The following PTPRG variants were observed in gnomAD, a reference collection of about 807,000 sequenced individuals.
The protein encoded by PTPRG is protein tyrosine phosphatase receptor type G, also known as receptor-type tyrosine-protein phosphatase gamma.
PTPRG carries 102 observed loss-of-function variants against 165.3 expected under a neutral mutation model. The ratio of observed to expected loss-of-function variants is 0.62; its 90% CI spans 0.53 to 0.73. PTPRG has a LOEUF of 0.73. Among genes scored for constraint, PTPRG ranks in the 30% least tolerant of loss-of-function variants. The pLI, the probability that PTPRG is intolerant of heterozygous loss-of-function variation, is 0.00. For synonymous variants in PTPRG, 675 were observed against 669.5 expected, an observed-to-expected ratio of 1.01 and a Z score of -0.13; for missense variants, 1,866 against 1,861.4, an observed-to-expected ratio of 1.00 and a Z score of -0.05.
chr3:61,595,308 G>GA (rs5849434), intron 1 of PTPRG, among the ~76,000 whole-genome samples: 111,046 of 151,916 alleles, frequency 0.73, 41,699 homozygotes, highest in South Asian at 0.91. Flanking sequence ...TGCAGAAGGG[G>GA]AAAAAATCTG....
At chr3:61,913,612 C>G (rs1421466733) in intron 2 of PTPRG, among the ~76,000 whole-genome samples, 1 of 152,152 alleles carries the variant, frequency 6.6e-6, no homozygotes, top group Non-Finnish European at 1.5e-5. Context: ...AGTGGTTGCT[C>G]AGAGTTTTCT....
chr3:62,114,550 C>T (rs1702792146), intron 5 of PTPRG, among the ~76,000 whole-genome samples: 1 of 152,152 alleles, frequency 6.6e-6, no homozygotes, highest in Non-Finnish European at 1.5e-5. Context: ...CAAAGTACTT[C>T]ATATACTTCA....
At chr3:61,678,033 A>G (rs1703296523) in intron 1 of PTPRG, among the ~76,000 whole-genome samples, 1 of 152,192 alleles carries the variant, frequency 6.6e-6, no homozygotes, top group Non-Finnish European at 1.5e-5. Flanking sequence ...ACTGGGGCAG[A>G]GTCCTGATGT....
At chr3:62,173,952 T>C (rs1354313119) in intron 8 of PTPRG, among the ~76,000 whole-genome samples, 2 of 152,232 alleles carry the variant, frequency 1.3e-5, no homozygotes, top group Non-Finnish European at 2.9e-5. Context: ...GAAGAAAGAC[T>C]TCTATATGGA....
intron 4 of PTPRG, among the ~76,000 whole-genome samples, chr3:62,049,860 TC>T (rs1316925223): frequency 6.6e-6 from 1 of 152,224 alleles, no homozygotes; most frequent in Non-Finnish European, 1.5e-5. Context: ...CACGTGGCTT[TC>T]TATAGACTTT....
chr3:61,953,020 C>T (rs1412289947), intron 2 of PTPRG, among the ~76,000 whole-genome samples: 1 of 152,162 alleles, frequency 6.6e-6, no homozygotes, highest in African/African-American at 2.4e-5. Context: ...TCCAATAGGT[C>T]TCAGGATACA....
chr3:61,939,009 T>C (rs2039547049), intron 2 of PTPRG, among the ~76,000 whole-genome samples: 1 of 152,190 alleles, frequency 6.6e-6, no homozygotes, highest in Admixed American at 6.5e-5. Flanking sequence ...CCCCCTGCAG[T>C]TCAGCATAAA....
At position 62,147,782 on chromosome 3, in the gene PTPRG, C is replaced by T. The variant is rs1001969691; in HGVS notation, c.683-9285C>T. ...TGGATATATGTACAGGCAAGGTCTT[C>T]GCTCTTGTGGAATAATCAAGCTGTT... is the stretch of plus-strand genomic sequence containing the variant. On this transcript the variant is annotated intron_variant, in intron 6 of 29. Transcript: ENST00000474889. 7.2e-5 allele frequency among the ~76,000 whole-genome samples: 11 copies of T among 152,248 alleles called. No individual in the cohort carries two copies. In the South Asian group the frequency reaches 8.3e-4, roughly 11 times the overall value.
At chr3:61,908,246 T>G in intron 2 of PTPRG, among the ~76,000 whole-genome samples, 1 of 148,638 alleles carries the variant, frequency 6.7e-6, no homozygotes. Flanking sequence ...GCCAACACGG[T>G]GAAACCCTGT....
intron 1 of PTPRG, among the ~76,000 whole-genome samples, chr3:61,570,770 T>G (rs1163234745): frequency 6.6e-6 from 1 of 152,188 alleles, no homozygotes; most frequent in Non-Finnish European, 1.5e-5. Flanking sequence ...TTTTTAAGAA[T>G]TGTCAAAAGG....
chr3:62,209,041 C>T lies in PTPRG; in HGVS notation c.2155+5091C>T, dbSNP rs577752675. 6.2e-4 allele frequency among the ~76,000 whole-genome samples: 95 copies of T among 152,324 alleles called. 2 individuals carry two copies. In the South Asian group the frequency reaches 0.019, roughly 31 times the overall value. On this transcript the variant is annotated intron_variant, in intron 12 of 29. Transcript: ENST00000474889. ...TCCCCATGTGATGCTGGCTTTGGCG[C>T]CAGTTCCCAGAATGAGCAATGCCAG...
At chr3:61,788,583 A>G (rs780027200) in intron 2 of PTPRG, among the ~76,000 whole-genome samples, 2 of 152,248 alleles carry the variant, frequency 1.3e-5, no homozygotes, top group African/African-American at 2.4e-5. Context: ...TTCAGCAACC[A>G]GTTTGAGATT....
At chr3:62,102,901 A>G (rs1395540993) in intron 5 of PTPRG, among the ~76,000 whole-genome samples, 1 of 152,166 alleles carries the variant, frequency 6.6e-6, no homozygotes, top group Non-Finnish European at 1.5e-5. Flanking sequence ...AAGACTTAGT[A>G]TTGTTAACAA....
chr3:62,099,816 T>G (rs1702228484), intron 5 of PTPRG, among the ~76,000 whole-genome samples: 1 of 119,312 alleles, frequency 8.4e-6, no homozygotes, highest in Admixed American at 8.9e-5. Flanking sequence ...TTTTTTTTTT[T>G]GAGGCAGAGT....
chr3:61,825,792 T>C (rs2036090689), intron 2 of PTPRG, among the ~76,000 whole-genome samples: 1 of 150,638 alleles, frequency 6.6e-6, no homozygotes, highest in African/African-American at 2.4e-5. Context: ...ACTAGAGCTG[T>C]TCCCTACCAC....
rs554943000 is a variant in PTPRG at position 61,641,804 on chromosome 3, T to C, written c.85+79432T>C. Among the ~76,000 whole-genome samples, 54 of 152,322 alleles carry C rather than the reference T, an allele frequency of 3.5e-4. 1 individual carries two copies. The highest frequency in any genetic ancestry group is 6.8e-3 in the Middle Eastern group (2 of 294). ...CATGGGCTATCATTTCAGTGCCTTT[T>C]AGAAAAATTGCAAAGCAGGAAGTAA... is the stretch of plus-strand genomic sequence containing the variant. On this transcript the variant is annotated intron_variant, in intron 1 of 29. Coordinates refer to ENST00000474889, the MANE Select transcript of PTPRG (RefSeq NM_002841.4).
chr3:61,895,758 T>G (rs1466919768), intron 2 of PTPRG, among the ~76,000 whole-genome samples: 1 of 152,268 alleles, frequency 6.6e-6, no homozygotes, highest in Non-Finnish European at 1.5e-5. Flanking sequence ...TGTCACCTGT[T>G]GCTGCAGATG....
chr3:61,812,150 C>G (rs2035600133), intron 2 of PTPRG, among the ~76,000 whole-genome samples: 1 of 152,080 alleles, frequency 6.6e-6, no homozygotes, highest in Admixed American at 6.6e-5. Flanking sequence ...ATAACGCATT[C>G]TTACTGCAAA....
chr3:62,215,493 A>AT, intron 12 of PTPRG, among the ~76,000 whole-genome samples: 1 of 143,700 alleles, frequency 7.0e-6, no homozygotes, highest in East Asian at 2.1e-4. Context: ...AGAAATTACC[A>AT]TTTGGAGACT....
Sources: allele counts gnomAD v4.1 joint callset (sites outside exome capture counted in the v4.1 genomes callset), GRCh38; gene constraint gnomAD v4.1.1; transcripts MANE v1.5; gene names NCBI Gene and HGNC (gene_info 2026-07-23, HGNC 2026-07-21).